Variants in TYW1B observed in about 807,000 individuals in gnomAD.
TYW1B encodes the protein S-adenosyl-L-methionine-dependent tRNA 4-demethylwyosine synthase TYW1B.
A neutral mutation model predicts 86.9 loss-of-function variants in TYW1B; 73 were observed. The ratio of observed to expected loss-of-function variants is 0.84; its 90% CI spans 0.70 to 1.02. TYW1B has a LOEUF of 1.02. Ranked by LOEUF, TYW1B falls within the 50% of genes least tolerant of loss-of-function variation. The probability of loss-of-function intolerance (pLI) is 0.00; values close to 1 mark genes in which losing one functional copy is unlikely to be tolerated. For missense variants in TYW1B, 637 were observed against 827.4 expected, an observed-to-expected ratio of 0.77 and a Z score of 2.82; for synonymous variants, 248 against 292.8, an observed-to-expected ratio of 0.85 and a Z score of 1.56.
chr7:72,718,714 C>T (rs1373806674), intron 9 of TYW1B, among the ~76,000 whole-genome samples: 1 of 152,202 alleles, frequency 6.6e-6, no homozygotes, highest in African/African-American at 2.4e-5. Flanking sequence ...TAAGCTCATT[C>T]TATGTTGCCA....
In TYW1B at chr7:72,815,408, T is replaced by C; in HGVS notation, c.209A>G (p.Tyr70Cys). The change falls in exon 3 of 14, where the codon TAT becomes TGT. Residue 70 changes from tyrosine to cysteine, a missense_variant. Physicochemically the swap from Tyr to Cys is radical, Grantham distance 194. Transcript: ENST00000620995. ...LPVAIINLKE[Y>C]DPDDHLIEEV... ...TTCTATCAGATGATCATCTGGATCA[T>C]ATTCTTTTAGATTAATAATGGCCAC... 6.2e-7 allele frequency: 1 copy of C among 1,607,560 alleles called. No individual in the cohort carries two copies. Among genetic ancestry groups the C allele is most frequent in the Non-Finnish European group, 8.5e-7 (1 of 1,178,652 alleles).
At chr7:72,585,375 A>C (rs1811249222) in intron 13 of TYW1B, among the ~76,000 whole-genome samples, 2 of 152,248 alleles carry the variant, frequency 1.3e-5, no homozygotes, top group South Asian at 4.1e-4. Flanking sequence ...CCCACAAGCT[A>C]TTTATTAGCA....
chr7:72,819,306 T>C (rs1324048045), intron 2 of TYW1B, among the ~76,000 whole-genome samples: 5 of 152,130 alleles, frequency 3.3e-5, no homozygotes, highest in African/African-American at 1.2e-4. Flanking sequence ...TCACCTAACT[T>C]TTCAAACAGT....
chr7:72,676,295 T>C (rs1403668121), intron 11 of TYW1B, among the ~76,000 whole-genome samples: 1 of 152,230 alleles, frequency 6.6e-6, no homozygotes, highest in Non-Finnish European at 1.5e-5. Flanking sequence ...GAAGATAAGA[T>C]GATACGTACT....
At chr7:72,644,522 C>T (rs182640815) in intron 11 of TYW1B, among the ~76,000 whole-genome samples, 148 of 151,924 alleles carry the variant, frequency 9.7e-4, no homozygotes, top group Non-Finnish European at 1.6e-3. Context: ...CACTCCAGCC[C>T]GGGCGACAGA....
intron 11 of TYW1B, among the ~76,000 whole-genome samples, chr7:72,653,083 G>A (rs1320028104): frequency 6.6e-6 from 1 of 152,008 alleles, no homozygotes; most frequent in Non-Finnish European, 1.5e-5. Flanking sequence ...ATCAGTAATC[G>A]AATCCTTCAT....
chr7:72,778,299 A>G (rs185044502), intron 6 of TYW1B, among the ~76,000 whole-genome samples: 284 of 152,318 alleles, frequency 1.9e-3, no homozygotes, highest in African/African-American at 6.5e-3. Flanking sequence ...CCTGATGTAC[A>G]ATAGGCGTTC....
At chr7:72,787,910 T>C (rs1713892077) in intron 6 of TYW1B, among the ~76,000 whole-genome samples, 1 of 152,202 alleles carries the variant, frequency 6.6e-6, no homozygotes, top group African/African-American at 2.4e-5. Context: ...AAGGTTAAAC[T>C]GTACATTTAG....
chr7:72,661,733 C>A (rs1334386722), intron 11 of TYW1B, among the ~76,000 whole-genome samples: 1 of 151,872 alleles, frequency 6.6e-6, no homozygotes, highest in African/African-American at 2.4e-5. Flanking sequence ...TCCCCTATCA[C>A]ACAGATGTTG....
At chr7:72,777,280 GA>G in intron 7 of TYW1B, 135 bp downstream of exon 7, 3 of 1,033,732 alleles carry the variant, frequency 2.9e-6, no homozygotes, top group Non-Finnish European at 4.2e-6. Context: ...ACAGAAGTAA[GA>G]AGGTAAATCT....
At chr7:72,722,969 A>T in intron 9 of TYW1B, 1 of 708,882 alleles carries the variant, frequency 1.4e-6, no homozygotes, top group Non-Finnish European at 2.6e-6. Context: ...TCCCCACCAG[A>T]TGCCCTGCAC....
Position 72,660,637 on chromosome 7 carries a change from T to TC in TYW1B, c.1507-31641_1507-31640insG, listed in dbSNP as rs1813307347. Among the ~76,000 whole-genome samples the TC allele has an allele frequency of 6.6e-5, 10 of 152,308 alleles. No homozygotes were observed. The South Asian group carries it at 2.1e-3, about 32-fold the overall frequency. ...AGATATATTCCTCTATGTATTTTCC[T>TC]TAACTGTGAAGATTTAAATGAAAAT... On this transcript the variant is annotated intron_variant, in intron 11 of 13. Transcript: ENST00000620995.
At chr7:72,794,495 G>T (rs1236122217) in intron 6 of TYW1B, among the ~76,000 whole-genome samples, 5 of 151,962 alleles carry the variant, frequency 3.3e-5, no homozygotes, top group Non-Finnish European at 5.9e-5. Flanking sequence ...GGCAGAGGTT[G>T]CAGTGAGCTG....
At chr7:72,632,425 A>ATATATATATACATATATATATAAAAT (rs1812550599) in intron 11 of TYW1B, among the ~76,000 whole-genome samples, 2 of 92,492 alleles carry the variant, frequency 2.2e-5, no homozygotes, top group East Asian at 5.0e-4. Context: ...ATATATATAA[A>ATATATATATACATATATATATAAAAT]ATATATATAT....
chr7:72,607,771 T>G lies in TYW1B; in HGVS notation c.1785+8901A>C, dbSNP rs539627622. 2.1e-4 allele frequency among the ~76,000 whole-genome samples: 32 copies of G among 151,976 alleles called. No homozygotes were observed. In the South Asian group the frequency reaches 6.6e-3, roughly 32 times the overall value. ...ATCTAAAAAGAGAAGAGAAATAAGA[T>G]GAGGCTGAAAAAAGTATCTGGAGAA... On this transcript the variant is annotated intron_variant, in intron 13 of 13. Transcript: ENST00000620995.
chr7:72,600,680 G>A (rs561728781), intron 13 of TYW1B, among the ~76,000 whole-genome samples: 6 of 152,236 alleles, frequency 3.9e-5, no homozygotes, highest in African/African-American at 9.6e-5. Context: ...TACCAGCCTA[G>A]GCAACAAAAT....
intron 3 of TYW1B, among the ~76,000 whole-genome samples, chr7:72,811,047 G>A (rs1225564773): frequency 2.0e-5 from 3 of 151,990 alleles, no homozygotes; most frequent in East Asian, 1.9e-4. Context: ...TGAGGCGGGC[G>A]GATCACAAGG....
chr7:72,827,601 TTTG>T lies in TYW1B; in HGVS notation c.4+468_4+470del, dbSNP rs782594431. 2.6e-5 allele frequency among the ~76,000 whole-genome samples: 4 copies of T among 152,256 alleles called. No individual in the cohort carries two copies. The South Asian group carries it at 6.2e-4, about 24-fold the overall frequency. ...CTTCATGTGAAATTAAGTTAATTGT[TTTG>T]TTGTGCTTGCTCCATAAAAAAAGCT... On this transcript the variant is annotated intron_variant, in intron 1 of 13. Transcript: ENST00000620995.
intron 8 of TYW1B, among the ~76,000 whole-genome samples, chr7:72,733,969 T>C (rs1554460409): frequency 6.6e-6 from 1 of 151,732 alleles, no homozygotes; most frequent in African/African-American, 2.4e-5. Flanking sequence ...GACTTCAAAA[T>C]ATACTATAGC....
Sources: gnomAD v4.1 joint callset for allele counts (sites outside exome capture counted in the v4.1 genomes callset) on GRCh38, gnomAD v4.1.1 for gene constraint, MANE v1.5 for transcripts, NCBI Gene and HGNC (gene_info 2026-07-23, HGNC 2026-07-21) for gene names.